The following BCR variants were observed in gnomAD, a reference collection of about 807,000 sequenced individuals.
BCR encodes breakpoint cluster region protein.
A neutral mutation model predicts 138.6 loss-of-function variants in BCR; 58 were observed. The ratio of observed to expected loss-of-function variants is 0.42; its 90% CI spans 0.34 to 0.52. BCR has a LOEUF of 0.52. Ranked by LOEUF, BCR falls within the 20% of genes least tolerant of loss-of-function variation. The probability of loss-of-function intolerance (pLI) is 0.06; values close to 1 mark genes in which losing one functional copy is unlikely to be tolerated. For synonymous variants in BCR, 786 were observed against 730.1 expected (o/e 1.08, Z -1.23); for missense variants, 1,599 against 1,727.2 (o/e 0.93, Z 1.32).
chr22:23,292,780 G>A (rs1458664575), intron 15 of BCR, 142 bp downstream of exon 15: 4 of 634,706 alleles, frequency 6.3e-6, no homozygotes, highest in South Asian at 2.0e-5. Context: ...CTCCTGGGGG[G>A]CCAGTAGGTG....
intron 16 of BCR, among the ~76,000 whole-genome samples, chr22:23,308,800 G>T (rs131702): frequency 0.22 from 33,006 of 152,066 alleles, 4,389 homozygotes; most frequent in East Asian, 0.59. Context: ...GTGACATTAA[G>T]GACAAGCTCC....
intron 16 of BCR, chr22:23,302,559 G>C (rs2073914616): frequency 6.6e-6 from 1 of 152,324 alleles, no homozygotes; most frequent in Admixed American, 6.5e-5. Context: ...CAGCACAGAA[G>C]GCTCCTGGTG....
intron 1 of BCR, among the ~76,000 whole-genome samples, chr22:23,207,768 T>C (rs75574442): frequency 0.068 from 10,338 of 152,198 alleles, 1,174 homozygotes; most frequent in African/African-American, 0.23. Flanking sequence ...ATAGCTGGCA[T>C]ATGGTGTTGG....
rs151220219 is a variant in BCR, at chr22:23,207,516, T to C, written c.1279+25277T>C. ...TGCACACCTGTAGTTCCAGCTACTC[T>C]GGAGGCTGAGTTGGGAGGATCGCTT... is the stretch of plus-strand genomic sequence containing the variant. On this transcript the variant is annotated intron_variant, in intron 1 of 22. Transcript: ENST00000305877. Among the ~76,000 whole-genome samples the C allele has an allele frequency of 5.2e-3, 789 of 151,476 alleles. 6 individuals carry two copies. The highest frequency in any genetic ancestry group is 0.018 in the African/African-American group (748 of 41,258).
Position 23,285,079 on chromosome 22 carries a change from C to G in BCR, c.2284C>G (p.Leu762Val), listed in dbSNP as rs2073695956. 1.2e-6 allele frequency: 2 copies of G among 1,614,004 alleles called. No individual in the cohort carries two copies. Among genetic ancestry groups the G allele is most frequent in the African/African-American group, 2.7e-5 (2 of 74,930 alleles). Residue 762 changes from leucine (L) to valine (V), a missense_variant, in exon 10 of 23, where the codon CTC (leucine) becomes GTC (valine). Coordinates refer to ENST00000305877, the MANE Select transcript of BCR (RefSeq NM_004327.4). ...DCKWYIPLTD[L>V]SFQMVDELEA... ...CAAATGGTACATTCCGCTCACGGAT[C>G]TCAGCTTCCAGATGGTGGATGAACT...
intron 1 of BCR, among the ~76,000 whole-genome samples, chr22:23,188,135 C>T (rs532367216): frequency 8.5e-5 from 13 of 152,284 alleles, no homozygotes; most frequent in African/African-American, 1.7e-4. Flanking sequence ...CAGTTGAGTA[C>T]AGGCTCCTTT....
chr22:23,212,560 C>G (rs764600889), intron 1 of BCR, among the ~76,000 whole-genome samples: 12 of 152,220 alleles, frequency 7.9e-5, no homozygotes, highest in African/African-American at 1.2e-4. Context: ...TCTGTGGGGC[C>G]TGGGGCAGCC....
intron 17 of BCR, 154 bp from the exon 18 acceptor site, chr22:23,310,170 C>G: frequency 5.9e-6 from 3 of 507,214 alleles, no homozygotes; most frequent in South Asian, 5.8e-5. Context: ...CTGAAGTAGA[C>G]TAGGGGCTTC....
chr22:23,287,151 C>A lies in BCR; in HGVS notation c.2407-8C>A, dbSNP rs1456055187. ...ATGGGAAGGTGAGGCTGTGGCATCT[C>A]CCCACAGAGGGCGAACAAGGGCAGC... On this transcript the variant is annotated splice_region_variant and splice_polypyrimidine_tract_variant and intron_variant, in intron 10 of 22. Coordinates refer to ENST00000305877, the MANE Select transcript of BCR (RefSeq NM_004327.4). 6.3e-7 allele frequency: 1 copy of A among 1,576,308 alleles called. No individual in the cohort carries two copies. Among genetic ancestry groups the A allele is most frequent in the East Asian group, 2.3e-5 (1 of 43,066 alleles).
At chr22:23,202,284 T>G (rs5751608) in intron 1 of BCR, among the ~76,000 whole-genome samples, 60,620 of 152,010 alleles carry the variant, frequency 0.4, 13,249 homozygotes, top group East Asian at 0.9. Context: ...TTTGGTATAT[T>G]ACATTATTAC....
At chr22:23,287,037 TG>T in intron 10 of BCR, 121 bp from the exon 11 acceptor site, 3 of 1,502,010 alleles carry the variant, frequency 2.0e-6, no homozygotes, top group Non-Finnish European at 2.7e-6. Flanking sequence ...CTGTGCTGAG[TG>T]GAGAGATGGG....
intron 12 of BCR, 119 bp from the exon 13 acceptor site, chr22:23,289,398 C>A: frequency 1.2e-6 from 1 of 805,678 alleles, no homozygotes; most frequent in Non-Finnish European, 2.1e-6. Context: ...GCCCCCAAGC[C>A]CTGGCACCAG....
intron 1 of BCR, among the ~76,000 whole-genome samples, chr22:23,197,126 T>G (rs1283145402): frequency 2.0e-5 from 3 of 152,266 alleles, no homozygotes; most frequent in African/African-American, 7.2e-5. Flanking sequence ...ATTATAATAC[T>G]GTGTTTTTAC....
At chr22:23,186,605 G>C (rs1316989741) in intron 1 of BCR, among the ~76,000 whole-genome samples, 1 of 152,136 alleles carries the variant, frequency 6.6e-6, no homozygotes, top group Non-Finnish European at 1.5e-5. Context: ...TCTGAATTCA[G>C]CTATTATAGA....
chr22:23,218,638 G>A (rs1343808542), intron 1 of BCR, among the ~76,000 whole-genome samples: 1 of 152,204 alleles, frequency 6.6e-6, no homozygotes, highest in Non-Finnish European at 1.5e-5. Flanking sequence ...GGGACAAGCT[G>A]AACAGTGTGC....
At chr22:23,256,942 C>T (rs950608670) in intron 2 of BCR, among the ~76,000 whole-genome samples, 1 of 151,714 alleles carries the variant, frequency 6.6e-6, no homozygotes, top group Admixed American at 6.6e-5. Context: ...GGTAGGAGGG[C>T]CTTCCTTCCA....
chr22:23,275,789 C>T (rs915238703), intron 8 of BCR, among the ~76,000 whole-genome samples: 1 of 152,228 alleles, frequency 6.6e-6, no homozygotes, highest in Admixed American at 6.5e-5. Context: ...TGCTCTTTCT[C>T]TTCTACCGAC....
Position 23,263,334 on chromosome 22 carries a change from C to T in BCR, c.1752+1794C>T, listed in dbSNP as rs376312916. The T allele has an allele frequency of 1.2e-5, 14 of 1,191,688 alleles. No homozygotes were observed. In the African/African-American group the frequency reaches 1.2e-4, roughly 10 times the overall value. The allele number at this position is 1,191,688 out of a possible 1,614,324, so 73.8% of individuals were successfully genotyped here. On this transcript the variant is annotated intron_variant, in intron 4 of 22. Coordinates refer to ENST00000305877, the MANE Select transcript of BCR (RefSeq NM_004327.4). ...CTTCACCAACTGCGACCTGCTCCGG[C>T]GCCAGATAGCCTGGGCCTCGCTCAA...
intron 10 of BCR, 148 bp from the exon 11 acceptor site, chr22:23,287,011 G>C: frequency 7.4e-7 from 1 of 1,355,974 alleles, no homozygotes; most frequent in Non-Finnish European, 9.9e-7. Context: ...CAGCAACTGC[G>C]GTCTGGGGCC....
Sources: gnomAD v4.1 joint callset for allele counts (sites outside exome capture counted in the v4.1 genomes callset) on GRCh38, gnomAD v4.1.1 for gene constraint, MANE v1.5 for transcripts, NCBI Gene and HGNC (gene_info 2026-07-23, HGNC 2026-07-21) for gene names.